Variants in REV3L observed in about 807,000 individuals in gnomAD.
REV3L encodes DNA polymerase zeta catalytic subunit.
In REV3L, 69 loss-of-function variants were observed where a neutral mutation model predicts 299.4. The ratio of observed to expected loss-of-function variants is 0.23; its 90% CI spans 0.19 to 0.28. The LOEUF is 0.28. REV3L is among the 10% of genes least tolerant of loss of function. The pLI is 1.00. For missense variants in REV3L, 3,128 were observed against 3,693.8 expected (o/e 0.85, Z 3.97); for synonymous variants, 1,238 against 1,271.4 (o/e 0.97, Z 0.56).
intron 12 of REV3L, among the ~76,000 whole-genome samples, chr6:111,377,328 A>ATAATTATT (rs1780414263): frequency 6.6e-6 from 1 of 151,350 alleles, no homozygotes; most frequent in Non-Finnish European, 1.5e-5. Flanking sequence ...TTTCAAAATC[A>ATAATTATT]TATTTATTTA....
At chr6:111,472,352 T>C (rs1008699430) in intron 1 of REV3L, among the ~76,000 whole-genome samples, 1 of 152,122 alleles carries the variant, frequency 6.6e-6, no homozygotes, top group Non-Finnish European at 1.5e-5. Flanking sequence ...ATTCTTGTTA[T>C]ACTTCTTTGT....
chr6:111,302,652 C>A (rs373697554), intron 31 of REV3L, among the ~76,000 whole-genome samples: 1 of 152,176 alleles, frequency 6.6e-6, no homozygotes, highest in Non-Finnish European at 1.5e-5. Flanking sequence ...TGCCTGTAAT[C>A]CTAGTACTCT....
chr6:111,452,769 T>G (rs928234959), intron 1 of REV3L, among the ~76,000 whole-genome samples: 2 of 152,172 alleles, frequency 1.3e-5, no homozygotes, highest in Non-Finnish European at 2.9e-5. Context: ...GTCTAATTGG[T>G]CCATTTTATT....
At chr6:111,346,113 A>T (rs1334448876) in intron 20 of REV3L, among the ~76,000 whole-genome samples, 21 of 152,154 alleles carry the variant, frequency 1.4e-4, no homozygotes, top group Admixed American at 1.4e-3. Context: ...ATACCCATAT[A>T]TTCCGCCTTC....
In REV3L at chr6:111,470,966, T is replaced by A. The variant is rs9487648; in HGVS notation, c.139+11784A>T. 3.5e-3 allele frequency among the ~76,000 whole-genome samples: 530 copies of A among 151,978 alleles called. 3 individuals carry two copies. Among genetic ancestry groups the A allele is most frequent in the African/African-American group, 0.012 (512 of 41,452 alleles). ...CTACACTCCAGCCTGGGCAACAGAGTGAGACTCTGTCTCAAAAAAATAAAT... is the reference window on the plus strand; with the variant it reads ...CTACACTCCAGCCTGGGCAACAGAGAGAGACTCTGTCTCAAAAAAATAAAT... On this transcript the variant is annotated intron_variant, in intron 1 of 31. Transcript: ENST00000368802.
chr6:111,324,608 G>A (rs1774532906), intron 25 of REV3L, among the ~76,000 whole-genome samples: 1 of 152,068 alleles, frequency 6.6e-6, no homozygotes, highest in South Asian at 2.1e-4. Context: ...TCTTACTCTG[G>A]CGCATTTAAG....
chr6:111,358,700 CA>C, intron 17 of REV3L, 121 bp downstream of exon 17: 6 of 710,144 alleles, frequency 8.4e-6, no homozygotes, highest in Non-Finnish European at 1.3e-5. Flanking sequence ...ACCCCTACCT[CA>C]GCAAACATTT....
rs547242473 is a variant in REV3L at position 111,381,528 on chromosome 6, C to T, written c.1097-84G>A. 6.0e-6 allele frequency: 7 copies of T among 1,167,678 alleles called. No individual in the cohort carries two copies. In the Admixed American group the frequency reaches 1.3e-4, roughly 21 times the overall value. 72.3% of individuals were successfully genotyped at this position (1,167,678 alleles called of 1,614,324 possible). On this transcript the variant is annotated intron_variant, in intron 9 of 31. Transcript: ENST00000368802. The stretch of plus-strand genomic sequence containing the variant: ...TTTAGAATTTGTGTAAATTTGGAAG[C>T]ATTACCATATAAACCTATTTTAAAT...
At chr6:111,335,960 A>T (rs1195544875) in intron 21 of REV3L, among the ~76,000 whole-genome samples, 2 of 151,692 alleles carry the variant, frequency 1.3e-5, no homozygotes, top group African/African-American at 4.8e-5. Context: ...ACAGCTGCTG[A>T]TTATGCAATA....
chr6:111,345,703 T>A (rs942186304), intron 20 of REV3L, among the ~76,000 whole-genome samples: 2 of 152,124 alleles, frequency 1.3e-5, no homozygotes, highest in Non-Finnish European at 2.9e-5. Context: ...TAGTTTAAAT[T>A]TCATAGTCAA....
At chr6:111,338,834 T>C (rs1162822670) in intron 21 of REV3L, among the ~76,000 whole-genome samples, 1 of 152,168 alleles carries the variant, frequency 6.6e-6, no homozygotes, top group Admixed American at 6.5e-5. Flanking sequence ...TAACTCTTTT[T>C]AAAAAGTGGA....
chr6:111,311,318 T>C (rs1772953910), intron 28 of REV3L, 59 bp from the exon 29 acceptor site: 5 of 1,329,920 alleles, frequency 3.8e-6, no homozygotes, highest in Admixed American at 2.1e-5. Flanking sequence ...GTTTCACCAT[T>C]GTTATTACAC....
chr6:111,372,516 C>T, intron 13 of REV3L, 80 bp downstream of exon 13: 2 of 1,106,156 alleles, frequency 1.8e-6, no homozygotes, highest in Non-Finnish European at 1.2e-6. Flanking sequence ...TGCATACATT[C>T]TTTTTTTTTC....
In REV3L at chr6:111,364,114, A is replaced by G. The variant is rs1778968409; in HGVS notation, c.6754-136T>C. 1.3e-5 allele frequency: 15 copies of G among 1,172,370 alleles called. No homozygotes were observed. In the South Asian group the frequency reaches 2.2e-4, roughly 17 times the overall value. The allele number at this position is 1,172,370 out of a possible 1,614,324, so 72.6% of individuals were successfully genotyped here. A position where few individuals can be genotyped will look rare whatever the true frequency, so the allele number is the denominator to read the frequency against. On this transcript the variant is annotated intron_variant, in intron 15 of 31. Transcript: ENST00000368802. ...GTAAACTAATATCATCTCTAAGTTC[A>G]AGAACAAACTGTATTTTATTAATGT... is the stretch of plus-strand genomic sequence containing the variant.
intron 1 of REV3L, among the ~76,000 whole-genome samples, chr6:111,478,976 T>C (rs1227761816): frequency 6.6e-6 from 1 of 152,196 alleles, no homozygotes; most frequent in South Asian, 2.1e-4. Context: ...GGGAAGCTCT[T>C]TGAAAGGATA....
chr6:111,311,337 ATGTAACTAC>A, intron 28 of REV3L, 78 bp from the exon 29 acceptor site: 1 of 1,086,754 alleles, frequency 9.2e-7, no homozygotes, highest in Non-Finnish European at 1.3e-6. Flanking sequence ...ACTTTCAATT[ATGTAACTAC>A]TGGGTAACCT....
At chr6:111,326,455 T>C (rs1774825663) in intron 25 of REV3L, among the ~76,000 whole-genome samples, 1 of 152,004 alleles carries the variant, frequency 6.6e-6, no homozygotes, top group African/African-American at 2.4e-5. Flanking sequence ...AAACAGGCAA[T>C]AATGAATGCT....
intron 1 of REV3L, among the ~76,000 whole-genome samples, chr6:111,434,094 TG>T (rs759993905): frequency 1.2e-4 from 19 of 152,122 alleles, no homozygotes; most frequent in Non-Finnish European, 2.9e-5. Flanking sequence ...GTACTCAATG[TG>T]GAAATATTAA....
chr6:111,373,384 A>G lies in REV3L; in HGVS notation c.4971T>C (p.Phe1657=). ...ACTGACTTCCAGAATAAAAGCTACA[A>G]AATCCAGTCTGACCTATTGTGTTAA... ...FDINTIGQTG[F]CSFYSGSQFV... is the part of the protein sequence containing the mutation. The change falls in exon 13 of 32, where the codon TTT becomes TTC. Residue 1657 remains phenylalanine, a synonymous_variant. Coordinates refer to ENST00000368802, the MANE Select transcript of REV3L (RefSeq NM_001372078.1). 6.2e-7 allele frequency: 1 copy of G among 1,613,710 alleles called. No individual in the cohort carries two copies. The highest frequency in any genetic ancestry group is 8.5e-7 in the Non-Finnish European group (1 of 1,179,880).
Sources: gnomAD v4.1 joint callset for allele counts (sites outside exome capture counted in the v4.1 genomes callset) on GRCh38, gnomAD v4.1.1 for gene constraint, MANE v1.5 for transcripts, NCBI Gene and HGNC (gene_info 2026-07-23, HGNC 2026-07-21) for gene names.